Variants in SLC25A48 observed in about 807,000 individuals in gnomAD.
SLC25A48 encodes solute carrier family 25 member 48.
Under a neutral mutation model 32.2 loss-of-function variants are expected in SLC25A48, and 29 were observed. That is an observed-to-expected ratio of 0.90 (90% CI 0.67 to 1.23). The LOEUF is 1.23. Ranked by LOEUF, SLC25A48 falls within the 50% of genes most tolerant of loss-of-function variation. The probability of loss-of-function intolerance (pLI) is 0.00; values close to 1 mark genes in which losing one functional copy is unlikely to be tolerated. For synonymous variants in SLC25A48, 164 were observed against 172.3 expected, an observed-to-expected ratio of 0.95 and a Z score of 0.38; for missense variants, 399 against 422.7, an observed-to-expected ratio of 0.94 and a Z score of 0.49.
intron 3 of SLC25A48, among the ~76,000 whole-genome samples, chr5:135,729,945 G>T (rs1010417373): frequency 6.6e-6 from 1 of 152,146 alleles, no homozygotes; most frequent in East Asian, 1.9e-4. Context: ...ATTATGTAGT[G>T]GTTCCTGTCT....
chr5:135,663,206 C>T (rs995451809), intron 3 of SLC25A48, among the ~76,000 whole-genome samples: 1 of 152,170 alleles, frequency 6.6e-6, no homozygotes, highest in African/African-American at 2.4e-5. Flanking sequence ...CTCTGAGTTC[C>T]CTACATGTAT....
At chr5:135,692,424 CA>C (rs1388961574) in intron 3 of SLC25A48, among the ~76,000 whole-genome samples, 1 of 151,584 alleles carries the variant, frequency 6.6e-6, no homozygotes, top group Non-Finnish European at 1.5e-5. Context: ...CACAGAGAAT[CA>C]AATGTGCTGC....
At position 135,622,066 on chromosome 5, in the gene SLC25A48, C is replaced by A. The variant is rs1004048465; in HGVS notation, c.-848-7171C>A. ...ACCATAAAAGAAGAACGGAGAAGGCCAAGAAGCATATGGAAAAATGCCAGA... is the reference window on the plus strand; with the variant it reads ...ACCATAAAAGAAGAACGGAGAAGGCAAAGAAGCATATGGAAAAATGCCAGA... On this transcript the variant is annotated intron_variant, in intron 1 of 10. Coordinates refer to the SLC25A48 transcript ENST00000646290. 6.6e-5 allele frequency among the ~76,000 whole-genome samples: 10 copies of A among 151,912 alleles called. No homozygotes were observed. In the East Asian group the frequency reaches 1.9e-3, roughly 29 times the overall value.
chr5:135,842,330 C>G, intron 1 of SLC25A48, 86 bp from the exon 2 acceptor site: 2 of 1,422,282 alleles, frequency 1.4e-6, no homozygotes, highest in South Asian at 2.3e-5. Context: ...GTTGACTAAA[C>G]AAGTGCCTGT....
chr5:135,691,086 G>T (rs1415875135), intron 3 of SLC25A48, among the ~76,000 whole-genome samples: 1 of 152,196 alleles, frequency 6.6e-6, no homozygotes, highest in Non-Finnish European at 1.5e-5. Flanking sequence ...GCTGTATCAA[G>T]TATCAAGTAA....
At chr5:135,834,633 C>G, upstream of SLC25A48, 1 of 573,522 alleles carries the variant, frequency 1.7e-6, no homozygotes, top group Admixed American at 3.3e-5. Flanking sequence ...TTAAGGTCCA[C>G]TGGGGGCGTG....
At chr5:135,867,328 G>A (rs1761282847) in intron 4 of SLC25A48, among the ~76,000 whole-genome samples, 1 of 152,154 alleles carries the variant, frequency 6.6e-6, no homozygotes, top group Non-Finnish European at 1.5e-5. Context: ...GGACTTGCAA[G>A]TCCAGAGATC....
At chr5:135,710,759 T>G (rs184359105) in intron 3 of SLC25A48, among the ~76,000 whole-genome samples, 1 of 152,250 alleles carries the variant, frequency 6.6e-6, no homozygotes, top group Non-Finnish European at 1.5e-5. Flanking sequence ...GCCAAATGGC[T>G]TCTCTGAAGC....
intron 1 of SLC25A48, among the ~76,000 whole-genome samples, chr5:135,582,693 G>T (rs191174818): frequency 1.5e-3 from 223 of 152,216 alleles, no homozygotes; most frequent in African/African-American, 5.2e-3. Context: ...CTCCCCACAG[G>T]CTGTGCTCCA....
intron 1 of SLC25A48, among the ~76,000 whole-genome samples, chr5:135,582,525 A>C (rs1387240093): frequency 6.6e-6 from 1 of 152,136 alleles, no homozygotes; most frequent in Admixed American, 6.5e-5. Context: ...TGACCACAGG[A>C]GGGAGGCCAC....
intron 2 of SLC25A48, among the ~76,000 whole-genome samples, chr5:135,631,088 C>G (rs192774608): frequency 6.6e-6 from 1 of 152,116 alleles, no homozygotes; most frequent in African/African-American, 2.4e-5. Flanking sequence ...CAGAAAGCCT[C>G]GAGTTAGATG....
At chr5:135,813,818 G>A (rs1757647488) in intron 4 of SLC25A48, among the ~76,000 whole-genome samples, 1 of 152,176 alleles carries the variant, frequency 6.6e-6, no homozygotes. Context: ...GAGGGCAAGA[G>A]GAGGGTGCTG....
Position 135,792,509 on chromosome 5 carries a change from G to A in SLC25A48, c.-520-20014G>A, listed in dbSNP as rs1245693849. 1.3e-3 allele frequency among the ~76,000 whole-genome samples: 199 copies of A among 149,162 alleles called. 1 individual carries two copies. The highest frequency in any genetic ancestry group is 4.8e-3 in the African/African-American group (189 of 39,160). On this transcript the variant is annotated intron_variant, in intron 3 of 10. Transcript: ENST00000646290. ...TTGTTAATCTTAATGTAACCCTCTG[G>A]TTACATGTAATGTAACCATTATGTG...
At chr5:135,837,298 A>G (rs563666864) in intron 1 of SLC25A48, among the ~76,000 whole-genome samples, 1 of 152,206 alleles carries the variant, frequency 6.6e-6, no homozygotes, top group South Asian at 2.1e-4. Context: ...ATAAGAGGGG[A>G]CAGGTGGTTC....
At chr5:135,620,832 C>T (rs567460513) in intron 1 of SLC25A48, among the ~76,000 whole-genome samples, 4 of 152,190 alleles carry the variant, frequency 2.6e-5, no homozygotes, top group East Asian at 1.9e-4. Flanking sequence ...CTTGGGGCTG[C>T]GAGAGTTGAG....
At chr5:135,642,437 G>T (rs1390596923) in intron 3 of SLC25A48, among the ~76,000 whole-genome samples, 1 of 152,244 alleles carries the variant, frequency 6.6e-6, no homozygotes, top group African/African-American at 2.4e-5. Flanking sequence ...TGCCTGGTGG[G>T]CAGGACCAAA....
At chr5:135,720,750 C>T (rs1018226554) in intron 3 of SLC25A48, among the ~76,000 whole-genome samples, 5 of 152,036 alleles carry the variant, frequency 3.3e-5, no homozygotes, top group African/African-American at 1.2e-4. Context: ...ATAAGCCAGG[C>T]CTGGAAACCA....
intron 3 of SLC25A48, among the ~76,000 whole-genome samples, chr5:135,800,043 A>G (rs1375213230): frequency 2.0e-5 from 3 of 151,614 alleles, no homozygotes; most frequent in African/African-American, 7.3e-5. Context: ...GGATGATATT[A>G]CTCCCAATAT....
At chr5:135,788,211 C>G (rs1299900738) in intron 3 of SLC25A48, among the ~76,000 whole-genome samples, 1 of 151,358 alleles carries the variant, frequency 6.6e-6, no homozygotes. Context: ...GGTCGTAGCA[C>G]CTCCCCGCTG....
Sources: gnomAD v4.1 joint callset for allele counts (sites outside exome capture counted in the v4.1 genomes callset) on GRCh38, gnomAD v4.1.1 for gene constraint, MANE v1.5 for transcripts, NCBI Gene and HGNC (gene_info 2026-07-23, HGNC 2026-07-21) for gene names.